Variants in TFEB observed in about 807,000 individuals in gnomAD.
TFEB encodes transcription factor EB.
Under a neutral mutation model 48.0 loss-of-function variants are expected in TFEB, and 12 were observed. The ratio of observed to expected loss-of-function variants is 0.25; its 90% CI spans 0.16 to 0.40. The LOEUF is 0.40. Among genes scored for constraint, TFEB ranks in the 10% least tolerant of loss-of-function variants. The pLI, the probability that TFEB is intolerant of heterozygous loss-of-function variation, is 1.00. For synonymous variants in TFEB, 244 were observed against 261.4 expected (o/e 0.93, Z 0.64); for missense variants, 509 against 640.3 (o/e 0.79, Z 2.21).
At chr6:41,708,287 A>G (rs1374696324) in intron 1 of TFEB, among the ~76,000 whole-genome samples, 4 of 152,158 alleles carry the variant, frequency 2.6e-5, no homozygotes, top group African/African-American at 9.7e-5. Context: ...ATAGAAAGGG[A>G]GATGTGGGAA....
At chr6:41,708,481 C>G (rs1276653729) in intron 1 of TFEB, among the ~76,000 whole-genome samples, 1 of 152,216 alleles carries the variant, frequency 6.6e-6, no homozygotes, top group Non-Finnish European at 1.5e-5. Context: ...ACCTCTTAGC[C>G]AAAGACACCT....
chr6:41,725,307 G>A (rs1262041287), intron 1 of TFEB, among the ~76,000 whole-genome samples: 1 of 152,068 alleles, frequency 6.6e-6, no homozygotes, highest in Non-Finnish European at 1.5e-5. Context: ...ATGTCCCCTA[G>A]GGGGACAAAA....
chr6:41,692,760 G>A (rs959040080), intron 1 of TFEB, among the ~76,000 whole-genome samples: 1 of 152,228 alleles, frequency 6.6e-6, no homozygotes, highest in Admixed American at 6.5e-5. Context: ...ACTCTGAGAG[G>A]TGCAGGGCTC....
chr6:41,704,754 A>C (rs752468723), intron 1 of TFEB, among the ~76,000 whole-genome samples: 24 of 150,326 alleles, frequency 1.6e-4, no homozygotes, highest in Non-Finnish European at 3.3e-4. Context: ...ACAGCAGGGA[A>C]GCACAGGCCC....
Position 41,690,792 on chromosome 6 carries a change from G to C in TFEB, c.339C>G (p.Gly113=). ...AGGCGGCTGGTGGGGGTTTCGGAGA[G>C]CCCTGGGCTGGGCTGATGTGGGCAG... ...KFAAHISPAQ[G]SPKPPPAASP... is the part of the protein sequence containing the mutation. Residue 113 remains glycine (G), a synonymous_variant, in exon 3 of 9, where the codon GGC becomes GGG. Transcript: ENST00000373033. The C allele has an allele frequency of 6.2e-7, 1 of 1,612,848 alleles. No individual in the cohort carries two copies. Among genetic ancestry groups the C allele is most frequent in the South Asian group, 1.1e-5 (1 of 91,032 alleles).
At chr6:41,697,425 A>AAAAAAAAAAAAAAAAAT (rs1769654618) in intron 1 of TFEB, among the ~76,000 whole-genome samples, 1 of 142,472 alleles carries the variant, frequency 7.0e-6, no homozygotes. Flanking sequence ...AAAAAAAAAA[A>AAAAAAAAAAAAAAAAAT]AAGAATGAGG....
At chr6:41,688,677 T>G (rs1016253379) in intron 4 of TFEB, among the ~76,000 whole-genome samples, 1 of 152,082 alleles carries the variant, frequency 6.6e-6, no homozygotes. Flanking sequence ...CACCCCACAG[T>G]GTACACAGGA....
In TFEB at chr6:41,690,871, G is replaced by A; in HGVS notation, c.260C>T (p.Ser87Leu). 1.2e-6 allele frequency: 2 copies of A among 1,607,646 alleles called. No homozygotes were observed. The highest frequency in any genetic ancestry group is 1.7e-6 in the Non-Finnish European group (2 of 1,175,708). ...ENPTSYHLQQ[S>L]QHQKVREYLS... Reference sequence around the variant, plus strand: ...GTACTCCCGCACCTTCTGATGCTGCGACTGCTGCAGATGGTAGGATGTGGG... The same window carrying A: ...GTACTCCCGCACCTTCTGATGCTGCAACTGCTGCAGATGGTAGGATGTGGG... Residue 87 changes from serine (S) to leucine (L), a missense_variant, in exon 3 of 9, where the codon TCG (serine) becomes TTG (leucine). Physicochemically the swap from Ser to Leu is moderately radical, Grantham distance 145 (BLOSUM62 -2). This residue lies in a region of TFEB where 251 missense variants were observed against 317.2 expected (regional missense o/e 0.79). Coordinates refer to ENST00000373033, the MANE Select transcript of TFEB (RefSeq NM_001271944.2).
Position 41,690,935 on chromosome 6 carries a change from C to T in TFEB, c.214-18G>A. ...GACTGCACCTGGGAGGGGGAAAAGG[C>T]AAGGGCTCTAGGGGAGGCTGGGACT... is the stretch of plus-strand genomic sequence containing the variant. On this transcript the variant is annotated intron_variant, in intron 2 of 8. Coordinates refer to ENST00000373033, the MANE Select transcript of TFEB (RefSeq NM_001271944.2). 6.4e-7 allele frequency: 1 copy of T among 1,572,570 alleles called. No individual in the cohort carries two copies. The highest frequency in any genetic ancestry group is 8.7e-7 in the Non-Finnish European group (1 of 1,153,840).
chr6:41,735,086 C>T (rs1771623130), intron 1 of TFEB: 10 of 984,844 alleles, frequency 1.0e-5, no homozygotes, highest in South Asian at 4.7e-5. Flanking sequence ...CATAAGGTCG[C>T]GGAGAAGCCG....
chr6:41,726,472 C>T (rs143547499), intron 1 of TFEB, among the ~76,000 whole-genome samples: 5,216 of 151,568 alleles, frequency 0.034, 290 homozygotes, highest in African/African-American at 0.12. Flanking sequence ...TAGATGGAGT[C>T]TTGCTCTGTC....
At chr6:41,700,238 G>A (rs186838034) in intron 1 of TFEB, among the ~76,000 whole-genome samples, 100 of 151,870 alleles carry the variant, frequency 6.6e-4, no homozygotes, top group African/African-American at 2.3e-3. Context: ...AGGCTGAGGC[G>A]GGCGGATCAC....
chr6:41,730,266 T>G lies in TFEB; in HGVS notation c.-23+5084A>C, dbSNP rs542421410. 2.6e-4 allele frequency among the ~76,000 whole-genome samples: 40 copies of G among 152,312 alleles called. No individual in the cohort carries two copies. The highest frequency in any genetic ancestry group is 8.9e-4 in the African/African-American group (37 of 41,572). On this transcript the variant is annotated intron_variant, in intron 1 of 8. Coordinates refer to ENST00000373033, the MANE Select transcript of TFEB (RefSeq NM_001271944.2). This position sits in a 1 kb window ranked among gnomAD's most constrained non-coding sequence, Gnocchi z 4.1. ...ACAGTGCCCCGGTCTCTCTGAAATG[T>G]GTGCCCTGATGGAGGGAAAGATTTG...
intron 1 of TFEB, among the ~76,000 whole-genome samples, chr6:41,709,749 G>A (rs968040772): frequency 2.0e-5 from 3 of 152,090 alleles, no homozygotes; most frequent in East Asian, 1.9e-4. Flanking sequence ...TGTCTGCATC[G>A]TTCCCATCTG....
At chr6:41,693,604 C>T (rs114227612) in intron 1 of TFEB, among the ~76,000 whole-genome samples, 1,598 of 152,250 alleles carry the variant, frequency 0.01, 31 homozygotes, top group African/African-American at 0.036. Flanking sequence ...GGGCTCCTCC[C>T]ACCACCACTG....
chr6:41,734,628 A>G lies in TFEB; in HGVS notation c.-23+722T>C, dbSNP rs1017157606. On this transcript the variant is annotated intron_variant, in intron 1 of 8. Coordinates refer to ENST00000373033, the MANE Select transcript of TFEB (RefSeq NM_001271944.2). This position sits in a 1 kb window ranked among gnomAD's most constrained non-coding sequence, Gnocchi z 4.0. ...CTGGGAACCCGGGGGGAGGCAGACA[A>G]CGGGGCGCACGGAGGGAGCGCTCCG... Among the ~76,000 whole-genome samples the G allele has an allele frequency of 4.0e-5, 6 of 149,854 alleles. No homozygotes were observed. The highest frequency in any genetic ancestry group is 2.0e-4 in the Admixed American group (3 of 15,166).
chr6:41,727,796 C>A (rs977253636), intron 1 of TFEB, among the ~76,000 whole-genome samples: 1 of 152,216 alleles, frequency 6.6e-6, no homozygotes, highest in Admixed American at 6.5e-5. Context: ...TCCAAGGAGG[C>A]CTGAGCTGTC....
At chr6:41,716,084 C>G (rs1264221001) in intron 1 of TFEB, among the ~76,000 whole-genome samples, 1 of 152,240 alleles carries the variant, frequency 6.6e-6, no homozygotes, top group Non-Finnish European at 1.5e-5. Flanking sequence ...CACCACCTCT[C>G]TATTATACAG....
intron 1 of TFEB, among the ~76,000 whole-genome samples, chr6:41,728,859 C>T (rs959436368): frequency 1.3e-5 from 2 of 152,088 alleles, no homozygotes; most frequent in African/African-American, 4.8e-5. Context: ...TGGTGAAGCA[C>T]CTGCAGGGTA....
Sources: allele counts gnomAD v4.1 joint callset (sites outside exome capture counted in the v4.1 genomes callset), GRCh38; gene constraint gnomAD v4.1.1; regional missense constraint gnomAD v4.1.1; non-coding constraint Gnocchi (gnomAD v3.1); transcripts MANE v1.5; gene names NCBI Gene and HGNC (gene_info 2026-07-23, HGNC 2026-07-21).